URAD: variants seen among roughly 807,000 people sequenced by gnomAD.
The protein encoded by URAD is ureidoimidazoline (2-oxo-4-hydroxy-4-carboxy-5-) decarboxylase.
Under a neutral mutation model 4.6 loss-of-function variants are expected in URAD, and 4 were observed. That is an observed-to-expected ratio of 0.87 (90% confidence interval 0.43 to 1.98). The LOEUF is 1.98. Among genes scored for constraint, URAD ranks in the 30% most tolerant of loss-of-function variants. The probability of loss-of-function intolerance (pLI) is 0.03; values close to 1 mark genes in which losing one functional copy is unlikely to be tolerated. For missense variants in URAD, 300 were observed against 255.3 expected, an observed-to-expected ratio of 1.18 and a Z score of -1.19; for synonymous variants, 144 against 118.2, an observed-to-expected ratio of 1.22 and a Z score of -1.41.
At position 27,980,098 on chromosome 13, in the gene URAD, C is replaced by G. The variant is rs9512951; in HGVS notation, c.176-1646G>C. 4.6e-5 allele frequency among the ~76,000 whole-genome samples: 7 copies of G among 152,308 alleles called. No individual in the cohort carries two copies. In the East Asian group the frequency reaches 1.4e-3, roughly 29 times the overall value. On this transcript the variant is annotated intron_variant, in intron 1 of 1. Coordinates refer to ENST00000332715, the MANE Select transcript of URAD (RefSeq NM_001105577.2). ...TTTTGTGTGTTTTTTCAAGACAGCT[C>G]TGTCGCCCGGGATGGAGTGCAGTGG...
At chr13:27,981,641 A>G (rs1165075955) in intron 1 of URAD, among the ~76,000 whole-genome samples, 1 of 152,124 alleles carries the variant, frequency 6.6e-6, no homozygotes, top group Admixed American at 6.5e-5. Flanking sequence ...TAACAGTCCA[A>G]CTGCCTCCTG....
chr13:27,978,161 T>A lies in URAD; in HGVS notation c.467A>T (p.Lys156Met), dbSNP rs1397575653. The change falls in exon 2 of 2, where the codon AAG (lysine) becomes ATG (methionine). Residue 156 changes from lysine to methionine, a missense_variant. Lys to Met is a moderately conservative substitution (Grantham distance 95). Coordinates refer to ENST00000332715, the MANE Select transcript of URAD (RefSeq NM_001105577.2). ...GTCGGCCAGGCGCAGGCTGCCGATC[T>A]TCTTCACCTCGCCCAGAGCAGTGCG... ...ELRTALGEVK[K>M]IGSLRLADLL... 2 of 1,535,128 alleles carry A rather than the reference T, an allele frequency of 1.3e-6. No individual in the cohort carries two copies. Among genetic ancestry groups the A allele is most frequent in the South Asian group, 2.4e-5 (2 of 83,430 alleles).
At chr13:27,983,293 G>A (rs778134150) in intron 1 of URAD, among the ~76,000 whole-genome samples, 8 of 151,862 alleles carry the variant, frequency 5.3e-5, no homozygotes, top group Non-Finnish European at 1.2e-4. Context: ...GCAGTGGTGC[G>A]ATCTCGGCTC....
intron 1 of URAD, among the ~76,000 whole-genome samples, chr13:27,979,789 T>C (rs1442719625): frequency 6.6e-6 from 1 of 152,172 alleles, no homozygotes. Flanking sequence ...ATTGTTTCTG[T>C]CTAATAAAAG....
intron 1 of URAD, among the ~76,000 whole-genome samples, chr13:27,981,069 T>A (rs1395517000): frequency 6.6e-6 from 1 of 150,638 alleles, no homozygotes; most frequent in Non-Finnish European, 1.5e-5. Context: ...TAGCTGCGCC[T>A]AACAAGAAAA....
rs1457589023 is a variant in URAD, at chr13:27,978,265, G to A, written c.363C>T (p.Leu121=). ...CCGTCCGGTCGCTGAAGCGCGCGGC[G>A]AGCACGAAGGGGAAACCGAAGCGCG... is the stretch of plus-strand genomic sequence containing the variant. ...YRARFGFPFV[L]AARFSDRTAV... is the part of the protein sequence containing the mutation. The change falls in exon 2 of 2, where the codon CTC becomes CTT. Residue 121 remains leucine (L), a synonymous_variant. Transcript: ENST00000332715. 2.8e-6 allele frequency: 4 copies of A among 1,435,112 alleles called. No homozygotes were observed. The highest frequency in any genetic ancestry group is 3.0e-5 in the Admixed American group (1 of 33,200). The allele number at this position is 1,435,112 out of a possible 1,614,324, so 88.9% of individuals were successfully genotyped here. A position where few individuals can be genotyped will look rare whatever the true frequency, so the allele number is the denominator to read the frequency against.
Position 27,988,624 on chromosome 13 carries a change from T to C in URAD, c.14A>G (p.Lys5Arg). ...TTCTCCAAGGTCCATGGAGTTGACC[T>C]TCTCAATGTCCATTCCTTGTATTCC... MDIEKVNSMDLGEFV... is the reference protein window; with the variant it reads MDIERVNSMDLGEFV... Residue 5 changes from lysine to arginine, a missense_variant, in exon 1 of 2, where the codon AAG (lysine) becomes AGG (arginine). Physicochemically the swap from Lys to Arg is conservative, Grantham distance 26. Coordinates refer to ENST00000332715, the MANE Select transcript of URAD (RefSeq NM_001105577.2). 2 of 1,604,876 alleles carry C rather than the reference T, an allele frequency of 1.2e-6. No individual in the cohort carries two copies. The highest frequency in any genetic ancestry group is 1.7e-5 in the Admixed American group (1 of 58,746).
intron 1 of URAD, among the ~76,000 whole-genome samples, 198 bp downstream of exon 1, chr13:27,988,265 G>C (rs962282407): frequency 6.6e-6 from 1 of 151,866 alleles, no homozygotes; most frequent in South Asian, 2.1e-4. Context: ...CGGCCTAAAA[G>C]CAATTTTTGT....
chr13:27,982,202 G>A (rs776557601), intron 1 of URAD, among the ~76,000 whole-genome samples: 5 of 152,154 alleles, frequency 3.3e-5, no homozygotes, highest in African/African-American at 7.2e-5. Flanking sequence ...AGGCCGAGGC[G>A]GGTGGATCAC....
At position 27,978,862 on chromosome 13, in the gene URAD, T is replaced by C. The variant is rs1373491441; in HGVS notation, c.176-410A>G. ...ATAAGGATCCTGAGCTTTTCCTATC[T>C]TTCAAAGTCCTTTGCTCTCAGGGGG... is the stretch of plus-strand genomic sequence containing the variant. On this transcript the variant is annotated intron_variant, in intron 1 of 1. Coordinates refer to ENST00000332715, the MANE Select transcript of URAD (RefSeq NM_001105577.2). 2.0e-5 allele frequency among the ~76,000 whole-genome samples: 3 copies of C among 152,120 alleles called. No homozygotes were observed. The East Asian group carries it at 5.8e-4, about 29-fold the overall frequency.
At chr13:27,982,575 CA>C (rs1869908223) in intron 1 of URAD, among the ~76,000 whole-genome samples, 1 of 152,204 alleles carries the variant, frequency 6.6e-6, no homozygotes, top group African/African-American at 2.4e-5. Context: ...TGCCCTCAGC[CA>C]GTCGTAGGGT....
intron 1 of URAD, among the ~76,000 whole-genome samples, chr13:27,987,893 G>GATAGATAGATAGAT (rs1046803167): frequency 3.0e-3 from 7 of 2,322 alleles, no homozygotes; most frequent in African/African-American, 0.013. Context: ...ATAGATAGAT[G>GATAGATAGATAGAT]ATAGATAGAT....
At chr13:27,988,116 G>A (rs1303559961) in intron 1 of URAD, among the ~76,000 whole-genome samples, 6 of 152,028 alleles carry the variant, frequency 3.9e-5, no homozygotes, top group East Asian at 1.9e-4. Flanking sequence ...GTGCCACCAC[G>A]CCTGGCTAAT....
intron 1 of URAD, 54 bp downstream of exon 1, chr13:27,988,409 T>C (rs1051091798): frequency 6.6e-7 from 1 of 1,513,346 alleles, no homozygotes; most frequent in Non-Finnish European, 8.9e-7. Context: ...AAAAATATTT[T>C]AACAAGCATA....
intron 1 of URAD, among the ~76,000 whole-genome samples, chr13:27,979,683 A>T (rs1166360940): frequency 6.6e-6 from 1 of 152,204 alleles, no homozygotes; most frequent in Non-Finnish European, 1.5e-5. Context: ...GGTCTGTTGG[A>T]AAAGGCGCGC....
At chr13:27,984,225 T>C (rs1042345328) in intron 1 of URAD, among the ~76,000 whole-genome samples, 13 of 152,324 alleles carry the variant, frequency 8.5e-5, no homozygotes, top group African/African-American at 3.1e-4. Flanking sequence ...AATGCACAGT[T>C]AATTAACTCT....
rs139451013 is a variant in URAD at position 27,986,090 on chromosome 13, C to T, written c.175+2373G>A. 3.2e-3 allele frequency among the ~76,000 whole-genome samples: 481 copies of T among 152,250 alleles called. 2 individuals are homozygous for T. Among genetic ancestry groups the T allele is most frequent in the Middle Eastern group, 0.02 (6 of 294 alleles). Reference sequence around the variant, plus strand: ...GAGAAGCAGCCTCCACCACAGGGAGCTCCTCCCCAGAACCGTGTCTACTGC... The same window carrying T: ...GAGAAGCAGCCTCCACCACAGGGAGTTCCTCCCCAGAACCGTGTCTACTGC... On this transcript the variant is annotated intron_variant, in intron 1 of 1. Transcript: ENST00000332715.
At chr13:27,981,876 G>A (rs1349503076) in intron 1 of URAD, among the ~76,000 whole-genome samples, 5 of 152,002 alleles carry the variant, frequency 3.3e-5, no homozygotes, top group African/African-American at 1.2e-4. Context: ...CAATATTAAC[G>A]TTCTCCCTTG....
At chr13:27,983,336 T>C (rs1869928774) in intron 1 of URAD, among the ~76,000 whole-genome samples, 1 of 152,084 alleles carries the variant, frequency 6.6e-6, no homozygotes, top group Non-Finnish European at 1.5e-5. Flanking sequence ...TTCAAGTGAT[T>C]CTCCTGCCTC....
Sources: gnomAD v4.1 joint callset for allele counts (sites outside exome capture counted in the v4.1 genomes callset) on GRCh38, gnomAD v4.1.1 for gene constraint, MANE v1.5 for transcripts, NCBI Gene and HGNC (gene_info 2026-07-23, HGNC 2026-07-21) for gene names.